Variants in NREP observed in about 807,000 individuals in gnomAD.
NREP encodes neuronal regeneration related protein.
Under a neutral mutation model 8.6 loss-of-function variants are expected in NREP, and 5 were observed. The observed-to-expected ratio is 0.58, with a 90% CI of 0.30 to 1.22. The LOEUF (loss-of-function observed/expected upper bound fraction) is 1.22, where lower values mean the gene tolerates loss of function less well. Among genes scored for constraint, NREP ranks in the 50% most tolerant of loss-of-function variants. NREP has a pLI of 0.07. For missense variants in NREP, 86 were observed against 82.5 expected, an observed-to-expected ratio of 1.04 and a Z score of -0.17; for synonymous variants, 27 against 28.0, an observed-to-expected ratio of 0.96 and a Z score of 0.11.
intron 2 of NREP, chr5:111,739,427 G>A (rs549449781): frequency 9.2e-5 from 14 of 152,366 alleles, no homozygotes; most frequent in African/African-American, 3.4e-4. Flanking sequence ...ATGAACCCAT[G>A]AGTTTCTGTG....
chr5:111,922,373 A>C lies in NREP; in HGVS notation c.135+52901T>G, dbSNP rs140481176. On this transcript the variant is annotated intron_variant, in intron 2 of 3. Coordinates refer to the NREP transcript ENST00000395634. ...GGTATTTAGGGAGTCCAAAGCGGGG[A>C]ATTATTTTATTGATTAATACTGTTA... Among the ~76,000 whole-genome samples the C allele has an allele frequency of 2.9e-4, 44 of 152,146 alleles. No individual in the cohort carries two copies. The East Asian group carries it at 8.4e-3, about 29-fold the overall frequency.
chr5:111,871,482 T>A (rs1581178156), intron 2 of NREP, among the ~76,000 whole-genome samples: 1 of 152,144 alleles, frequency 6.6e-6, no homozygotes. Flanking sequence ...ATAGTAGACT[T>A]AGGCTACACT....
At chr5:111,774,256 G>T (rs1326462897) in intron 2 of NREP, among the ~76,000 whole-genome samples, 1 of 118,586 alleles carries the variant, frequency 8.4e-6, no homozygotes, top group African/African-American at 3.7e-5. Flanking sequence ...AGGGAGGGAA[G>T]GAGGGAGAGA....
chr5:111,923,114 T>C (rs185936538), intron 2 of NREP, among the ~76,000 whole-genome samples: 124 of 152,328 alleles, frequency 8.1e-4, no homozygotes, highest in African/African-American at 2.8e-3. Flanking sequence ...ATTGGTGGCA[T>C]GAGCATGGAG....
intron 2 of NREP, among the ~76,000 whole-genome samples, chr5:111,770,554 CTTTTTTTTTTTTTTTTT>C (rs34538408): frequency 2.7e-4 from 20 of 73,584 alleles, no homozygotes; most frequent in African/African-American, 7.5e-4. Context: ...GAATTATTTC[CTTTTTTTTTTTTTTTTT>C]TTTTTTTTTT....
At chr5:111,874,124 G>A (rs1167192218) in intron 2 of NREP, among the ~76,000 whole-genome samples, 1 of 151,882 alleles carries the variant, frequency 6.6e-6, no homozygotes, top group Admixed American at 6.6e-5. Context: ...TTCTCTGCAG[G>A]GTTCATTGGG....
intron 2 of NREP, among the ~76,000 whole-genome samples, chr5:111,968,420 G>C (rs1028358957): frequency 6.6e-6 from 1 of 152,082 alleles, no homozygotes; most frequent in African/African-American, 2.4e-5. Context: ...TTGAATAAAA[G>C]AAAAATGAGC....
intron 2 of NREP, among the ~76,000 whole-genome samples, chr5:111,941,105 G>C (rs1755817054): frequency 6.6e-6 from 1 of 152,006 alleles, no homozygotes; most frequent in South Asian, 2.1e-4. Flanking sequence ...AGAAATCTCT[G>C]GGTTACCAAG....
chr5:111,767,307 T>C (rs754415750), intron 2 of NREP, among the ~76,000 whole-genome samples: 1 of 151,504 alleles, frequency 6.6e-6, no homozygotes, highest in African/African-American at 2.4e-5. Flanking sequence ...AAAAAAAAAA[T>C]CTTATTAGTT....
chr5:111,798,381 A>G (rs1161252332), intron 2 of NREP, among the ~76,000 whole-genome samples: 1 of 151,762 alleles, frequency 6.6e-6, no homozygotes, highest in Non-Finnish European at 1.5e-5. Context: ...TTATTTTTTT[A>G]TTTCAATAGG....
At chr5:111,753,137 A>G (rs1440595123) in intron 2 of NREP, among the ~76,000 whole-genome samples, 2 of 151,832 alleles carry the variant, frequency 1.3e-5, no homozygotes, top group African/African-American at 2.4e-5. Flanking sequence ...CTTATTGAAA[A>G]AAATGTTCTG....
chr5:111,835,864 G>A (rs1561686354), intron 2 of NREP, among the ~76,000 whole-genome samples: 1 of 152,076 alleles, frequency 6.6e-6, no homozygotes, highest in Non-Finnish European at 1.5e-5. Context: ...ACCAGAAGGT[G>A]AGTAGAAAGG....
chr5:111,831,898 G>C (rs540599649), intron 2 of NREP, among the ~76,000 whole-genome samples: 13 of 152,068 alleles, frequency 8.5e-5, no homozygotes, highest in Admixed American at 2.0e-4. Flanking sequence ...CCTCTTGTGG[G>C]GTTGACATCC....
chr5:111,864,130 G>A (rs143336658), intron 2 of NREP, among the ~76,000 whole-genome samples: 8 of 152,172 alleles, frequency 5.3e-5, no homozygotes, highest in East Asian at 1.9e-4. Flanking sequence ...ACCAAAGACC[G>A]CAATACTTGA....
At chr5:111,956,784 C>T (rs774541620) in intron 2 of NREP, among the ~76,000 whole-genome samples, 60 of 151,502 alleles carry the variant, frequency 4.0e-4, no homozygotes, top group African/African-American at 1.2e-3. Flanking sequence ...GCCAATGTGG[C>T]GAAAACCCAT....
rs1751625578 is a variant in NREP at position 111,786,884 on chromosome 5, C to A, written c.136-51377G>T. Among the ~76,000 whole-genome samples the A allele has an allele frequency of 3.9e-5, 6 of 152,192 alleles. No individual in the cohort carries two copies. The South Asian group carries it at 1.2e-3, about 32-fold the overall frequency. ...AAGAAGGGCATGAATCTTTGGTGGGCAGATTATTTTTGCCTTGGAAGGGAA... is the reference window on the plus strand; with the variant it reads ...AAGAAGGGCATGAATCTTTGGTGGGAAGATTATTTTTGCCTTGGAAGGGAA... On this transcript the variant is annotated intron_variant, in intron 2 of 3. Coordinates refer to the NREP transcript ENST00000395634.
At chr5:111,825,910 C>T (rs1271587963) in intron 2 of NREP, among the ~76,000 whole-genome samples, 1 of 151,732 alleles carries the variant, frequency 6.6e-6, no homozygotes, top group Non-Finnish European at 1.5e-5. Flanking sequence ...TATGACTGCA[C>T]TCTAACTGCA....
intron 2 of NREP, among the ~76,000 whole-genome samples, chr5:111,822,914 T>C (rs550765361): frequency 7.9e-5 from 12 of 152,332 alleles, no homozygotes; most frequent in African/African-American, 2.9e-4. Context: ...AAGTAAAAAT[T>C]ATAAAACTAA....
chr5:111,809,136 T>A (rs1227349259), intron 2 of NREP, among the ~76,000 whole-genome samples: 3 of 152,222 alleles, frequency 2.0e-5, no homozygotes, highest in Non-Finnish European at 4.4e-5. Context: ...TAAGGCATTT[T>A]TTAAAATATG....
Sources: allele counts gnomAD v4.1 joint callset (sites outside exome capture counted in the v4.1 genomes callset), GRCh38; gene constraint gnomAD v4.1.1; transcripts MANE v1.5; gene names NCBI Gene and HGNC (gene_info 2026-07-23, HGNC 2026-07-21).